ZNF839: variants seen among roughly 807,000 people sequenced by gnomAD.
ZNF839 encodes the protein renal carcinoma antigen NY-REN-50.
Under a neutral mutation model 56.4 loss-of-function variants are expected in ZNF839, and 38 were observed. That is an observed-to-expected ratio of 0.67 (90% CI 0.52 to 0.88). ZNF839 has a LOEUF of 0.88. Among genes scored for constraint, ZNF839 ranks in the 40% least tolerant of loss-of-function variants. The pLI is 0.00. For synonymous variants in ZNF839, 486 were observed against 493.5 expected (o/e 0.98, Z 0.20); for missense variants, 1,091 against 1,177.6 (o/e 0.93, Z 1.08).
rs762833883 is a variant in ZNF839 at position 102,341,599 on chromosome 14, A to G, written c.2204A>G (p.Gln735Arg). 6.2e-7 allele frequency: 1 copy of G among 1,613,916 alleles called. No homozygotes were observed. The highest frequency in any genetic ancestry group is 8.5e-7 in the Non-Finnish European group (1 of 1,179,850). Residue 735 changes from glutamine (Q) to arginine (R), a missense_variant, in exon 8 of 8, where the codon CAG becomes CGG. By Grantham distance (43) the Gln-to-Arg change is conservative. This residue lies in a region of ZNF839 where 431 missense variants were observed against 468.0 expected (regional missense o/e 0.92). Transcript: ENST00000442396. ...AATGCTTTGGAACACTCTTCAGACCAGGACACCTGGGACAGCCTGAGGAGC... is the reference window on the plus strand; with the variant it reads ...AATGCTTTGGAACACTCTTCAGACCGGGACACCTGGGACAGCCTGAGGAGC... ...GENALEHSSD[Q>R]DTWDSLRSPG...
chr14:102,329,919 G>A (rs542734603), intron 2 of ZNF839, among the ~76,000 whole-genome samples: 4 of 141,948 alleles, frequency 2.8e-5, no homozygotes, highest in Non-Finnish European at 3.1e-5. Context: ...TCAGCCTCCC[G>A]AGTAGGTGGG....
chr14:102,336,689 C>T (rs146323830), intron 5 of ZNF839: 1 of 415,356 alleles, frequency 2.4e-6, no homozygotes, highest in African/African-American at 2.1e-5. Flanking sequence ...ATAATCTTCC[C>T]ACTCACTGAT....
intron 2 of ZNF839, among the ~76,000 whole-genome samples, chr14:102,327,301 T>G (rs1226339588): frequency 6.6e-6 from 1 of 152,066 alleles, no homozygotes; most frequent in African/African-American, 2.4e-5. Flanking sequence ...CCACCACGCC[T>G]GGCTAATTTT....
upstream of ZNF839, among the ~76,000 whole-genome samples, chr14:102,318,174 G>A (rs531036099): frequency 2.2e-4 from 33 of 152,350 alleles, no homozygotes; most frequent in African/African-American, 7.7e-4. Flanking sequence ...CTGTACACAG[G>A]ATGGATGTCA....
At chr14:102,335,570 C>T in intron 4 of ZNF839, 119 bp from the exon 5 acceptor site, 1 of 1,016,202 alleles carries the variant, frequency 9.8e-7, no homozygotes, top group Non-Finnish European at 1.4e-6. Context: ...GAAGGAAACG[C>T]ACACCACTGA....
intron 5 of ZNF839, chr14:102,337,618 A>C (rs1349179495): frequency 6.6e-6 from 1 of 152,184 alleles, no homozygotes. Context: ...AACTCGGCAC[A>C]CACACACTGT....
intron 7 of ZNF839, 149 bp downstream of exon 7, chr14:102,339,372 C>G: frequency 8.8e-7 from 1 of 1,137,460 alleles, no homozygotes; most frequent in African/African-American, 1.6e-5. Context: ...TCATTCCAGC[C>G]TCCCAGTGTT....
At chr14:102,336,812 C>T in intron 5 of ZNF839, 1 of 261,340 alleles carries the variant, frequency 3.8e-6, no homozygotes, top group East Asian at 1.3e-4. Flanking sequence ...CAGCTCACCG[C>T]AGCCTCAACC....
chr14:102,341,279 T>G (rs771320367), intron 7 of ZNF839, 44 bp from the exon 8 acceptor site: 1 of 1,495,064 alleles, frequency 6.7e-7, no homozygotes, highest in Non-Finnish European at 8.9e-7. Context: ...GAGTGGGCCA[T>G]GACACAGTAC....
chr14:102,327,435 C>A (rs945539866), intron 2 of ZNF839, among the ~76,000 whole-genome samples: 1 of 152,150 alleles, frequency 6.6e-6, no homozygotes, highest in Non-Finnish European at 1.5e-5. Context: ...GCCACCACGC[C>A]TGGCCACCAC....
chr14:102,325,579 C>A (rs556004300), intron 1 of ZNF839, among the ~76,000 whole-genome samples: 15 of 151,950 alleles, frequency 9.9e-5, no homozygotes, highest in East Asian at 2.0e-4. Context: ...CTTACTGCAA[C>A]CTCCTCCCGG....
intron 2 of ZNF839, among the ~76,000 whole-genome samples, chr14:102,330,985 G>A (rs1374471209): frequency 6.6e-6 from 1 of 152,156 alleles, no homozygotes; most frequent in Non-Finnish European, 1.5e-5. Flanking sequence ...GACCTGTCGG[G>A]AGGGAGGAGG....
At chr14:102,322,289 G>A (rs1444763288) in intron 1 of ZNF839, among the ~76,000 whole-genome samples, 3 of 152,184 alleles carry the variant, frequency 2.0e-5, no homozygotes, top group Non-Finnish European at 2.9e-5. Flanking sequence ...CAGATCTTGG[G>A]GCCTCACCCC....
intron 2 of ZNF839, among the ~76,000 whole-genome samples, chr14:102,330,864 G>A (rs2073746331): frequency 6.6e-6 from 1 of 152,162 alleles, no homozygotes; most frequent in Non-Finnish European, 1.5e-5. Flanking sequence ...TTTCAGAGGA[G>A]GGAATTGTCA....
Position 102,339,029 on chromosome 14 carries a change from A to G in ZNF839, c.1798-65A>G. The G allele has an allele frequency of 5.0e-6, 8 of 1,613,306 alleles. No homozygotes were observed. In the South Asian group the frequency reaches 7.7e-5, roughly 16 times the overall value. On this transcript the variant is annotated intron_variant, in intron 6 of 7. Transcript: ENST00000442396. Reference sequence around the variant, plus strand: ...TGGTTTGGCTTCTTCTGTTCACACCAGGAAGAGGAGGTAGCGGTTTGCCTA... The same window carrying G: ...TGGTTTGGCTTCTTCTGTTCACACCGGGAAGAGGAGGTAGCGGTTTGCCTA...
chr14:102,319,983 C>T lies in ZNF839; in HGVS notation c.218C>T (p.Ala73Val), dbSNP rs2073033982. 1.7e-6 allele frequency: 2 copies of T among 1,174,392 alleles called. No homozygotes were observed. The highest frequency in any genetic ancestry group is 4.7e-5 in the Admixed American group (1 of 21,372). The allele number at this position is 1,174,392 out of a possible 1,614,324, so 72.7% of individuals were successfully genotyped here. The change falls in exon 1 of 8, where the codon GCC becomes GTC. Residue 73 changes from alanine (A) to valine (V), a missense_variant. Coordinates refer to ENST00000442396, the MANE Select transcript of ZNF839 (RefSeq NM_018335.6). This position sits in a 1 kb window ranked among gnomAD's most constrained non-coding sequence, Gnocchi z 4.5. ...RDAARRLRDA[A>V]QQAALQRGRG... The stretch of plus-strand genomic sequence containing the variant: ...GCGGCGCGGCGGCTGCGGGACGCGG[C>T]CCAACAGGCCGCCCTGCAGCGGGGC...
intron 3 of ZNF839, among the ~76,000 whole-genome samples, chr14:102,334,116 C>T (rs1247110061): frequency 6.6e-6 from 1 of 152,244 alleles, no homozygotes; most frequent in African/African-American, 2.4e-5. Flanking sequence ...TTCCTAAAAC[C>T]TCCCTCCACA....
intron 7 of ZNF839, 162 bp from the exon 8 acceptor site, chr14:102,341,161 G>A (rs370867836): frequency 6.1e-6 from 4 of 652,742 alleles, no homozygotes; most frequent in Admixed American, 3.7e-5. Flanking sequence ...GAATAGGGAC[G>A]TATTTTTTAA....
intron 5 of ZNF839, chr14:102,337,873 T>C (rs932104130): frequency 2.6e-5 from 4 of 152,252 alleles, no homozygotes; most frequent in Non-Finnish European, 5.9e-5. Context: ...TCTTAGCACT[T>C]TCACATCTGG....
Sources: allele counts gnomAD v4.1 joint callset (sites outside exome capture counted in the v4.1 genomes callset), GRCh38; gene constraint gnomAD v4.1.1; regional missense constraint gnomAD v4.1.1; non-coding constraint Gnocchi (gnomAD v3.1); transcripts MANE v1.5; gene names NCBI Gene and HGNC (gene_info 2026-07-23, HGNC 2026-07-21).